LCOR: variants seen among roughly 807,000 people sequenced by gnomAD.
The protein encoded by LCOR is ligand-dependent corepressor.
LCOR carries 14 observed loss-of-function variants against 64.4 expected under a neutral mutation model. The ratio of observed to expected loss-of-function variants is 0.22; its 90% CI spans 0.14 to 0.34. The LOEUF (loss-of-function observed/expected upper bound fraction) is 0.34, where lower values mean the gene tolerates loss of function less well. Ranked by LOEUF, LCOR falls within the 10% of genes least tolerant of loss-of-function variation. The pLI, the probability that LCOR is intolerant of heterozygous loss-of-function variation, is 1.00. For missense variants in LCOR, 1,686 were observed against 1,765.3 expected (o/e 0.96, Z 0.80); for synonymous variants, 643 against 642.5 (o/e 1.00, Z -0.01).
At chr10:96,833,333 G>A (rs1430222435) in intron 1 of LCOR, 73 bp from the exon 2 acceptor site, 18 of 961,324 alleles carry the variant, frequency 1.9e-5, no homozygotes, top group Non-Finnish European at 1.9e-5. Flanking sequence ...GCGGACGGGG[G>A]CGCCCCGGGA....
intron 4 of LCOR, among the ~76,000 whole-genome samples, chr10:96,930,233 A>G (rs188386004): frequency 2.4e-3 from 362 of 152,334 alleles, no homozygotes; most frequent in Non-Finnish European, 3.9e-3. Context: ...GTTGTATGCC[A>G]TTGATCTATA....
chr10:96,931,377 G>A (rs1277659990), intron 4 of LCOR, among the ~76,000 whole-genome samples: 1 of 151,984 alleles, frequency 6.6e-6, no homozygotes, highest in Non-Finnish European at 1.5e-5. Flanking sequence ...GGGACTACAG[G>A]TGCACACTAC....
intron 2 of LCOR, among the ~76,000 whole-genome samples, chr10:96,893,703 C>T (rs932743194): frequency 6.7e-6 from 1 of 148,660 alleles, no homozygotes; most frequent in Admixed American, 6.8e-5. Context: ...GTGGAGGTTG[C>T]AGTAAGCCAA....
At chr10:96,920,769 C>A (rs1360637037) in intron 4 of LCOR, among the ~76,000 whole-genome samples, 1 of 121,788 alleles carries the variant, frequency 8.2e-6, no homozygotes, top group Non-Finnish European at 1.6e-5. Flanking sequence ...CACACACACA[C>A]ACACACACAC....
chr10:96,980,576 G>A (rs1433670080), intron 7 of LCOR, among the ~76,000 whole-genome samples: 2 of 152,124 alleles, frequency 1.3e-5, no homozygotes, highest in African/African-American at 4.8e-5. Flanking sequence ...GCCAGGCAAG[G>A]TGGCTTACAC....
intron 2 of LCOR, among the ~76,000 whole-genome samples, chr10:96,847,477 A>G (rs931701291): frequency 6.6e-6 from 1 of 151,760 alleles, no homozygotes; most frequent in Non-Finnish European, 1.5e-5. Context: ...TTTGCTCTTA[A>G]TGTTGCCCAG....
intron 4 of LCOR, among the ~76,000 whole-genome samples, chr10:96,927,034 C>T (rs76871841): frequency 6.6e-6 from 1 of 151,896 alleles, no homozygotes; most frequent in Non-Finnish European, 1.5e-5. Context: ...GGATCAATAC[C>T]TAGAGTTGGA....
chr10:96,886,993 G>C (rs1156788775), intron 2 of LCOR, among the ~76,000 whole-genome samples: 17 of 152,174 alleles, frequency 1.1e-4, no homozygotes, highest in Non-Finnish European at 8.8e-5. Context: ...TGATCCTTCA[G>C]AGTCTCTGAG....
intron 7 of LCOR, among the ~76,000 whole-genome samples, chr10:96,966,520 G>A (rs1300297006): frequency 6.6e-6 from 1 of 152,110 alleles, no homozygotes; most frequent in African/African-American, 2.4e-5. Context: ...GAGCCACCGC[G>A]CCCGGCCAGG....
intron 2 of LCOR, among the ~76,000 whole-genome samples, chr10:96,847,384 ATGAGT>A (rs1845647808): frequency 6.6e-6 from 1 of 150,966 alleles, no homozygotes; most frequent in Non-Finnish European, 1.5e-5. Context: ...ACAGTCCTGA[ATGAGT>A]TATTTGGTCA....
chr10:96,866,755 T>C (rs2134399491), intron 2 of LCOR, among the ~76,000 whole-genome samples: 1 of 152,144 alleles, frequency 6.6e-6, no homozygotes, highest in South Asian at 2.1e-4. Context: ...TTTGTATTTT[T>C]AGTAGAGACG....
At chr10:96,931,230 A>ATT (rs796643815) in intron 4 of LCOR, among the ~76,000 whole-genome samples, 3 of 132,738 alleles carry the variant, frequency 2.3e-5, no homozygotes, top group Admixed American at 7.5e-5. Context: ...AAGCACTGGT[A>ATT]TTTTTTTTTT....
intron 7 of LCOR, among the ~76,000 whole-genome samples, chr10:96,969,904 C>T (rs1288245826): frequency 5.4e-5 from 8 of 148,048 alleles, no homozygotes; most frequent in African/African-American, 1.5e-4. Context: ...CTTAGCCTCC[C>T]GAGAAGCTGG....
chr10:96,834,693 A>C (rs1845410998), intron 2 of LCOR, among the ~76,000 whole-genome samples: 1 of 152,110 alleles, frequency 6.6e-6, no homozygotes, highest in South Asian at 2.1e-4. Context: ...TCTTTGAAAG[A>C]TTTTTAAATT....
intron 7 of LCOR, among the ~76,000 whole-genome samples, chr10:96,965,834 T>C (rs1252808394): frequency 6.6e-6 from 1 of 152,122 alleles, no homozygotes; most frequent in Non-Finnish European, 1.5e-5. Context: ...CTAATTATTA[T>C]TTTGCTGTAA....
chr10:96,972,440 A>G (rs1720029377), intron 7 of LCOR, among the ~76,000 whole-genome samples: 1 of 152,182 alleles, frequency 6.6e-6, no homozygotes, highest in Non-Finnish European at 1.5e-5. Flanking sequence ...TCACATTTCC[A>G]GAGAGCAAAT....
In LCOR at chr10:96,949,019, G is replaced by A. The variant is rs1255158885; in HGVS notation, c.-39G>A. On this transcript the variant is annotated 5_prime_UTR_variant, in exon 6 of 8. Coordinates refer to ENST00000421806, the MANE Select transcript of LCOR (RefSeq NM_001346516.2). ...ATCTTTATTTACAGACAGTCCCTGG[G>A]TCTCCGACCCCAATATTCCCCTAGT... 4 of 1,610,862 alleles carry A rather than the reference G, an allele frequency of 2.5e-6. No homozygotes were observed. The South Asian group carries it at 3.3e-5, about 13-fold the overall frequency.
intron 1 of LCOR, chr10:96,832,909 C>A (rs1433098855): frequency 1.2e-5 from 10 of 851,988 alleles, no homozygotes; most frequent in African/African-American, 1.8e-5. Flanking sequence ...CCCGGGTCTG[C>A]GTGCACGCGC....
At position 96,877,846 on chromosome 10, in the gene LCOR, C is replaced by T. The variant is rs573168983; in HGVS notation, c.-329-29419C>T. Among the ~76,000 whole-genome samples the T allele has an allele frequency of 1.1e-4, 16 of 152,090 alleles. No homozygotes were observed. In the South Asian group the frequency reaches 1.9e-3, roughly 18 times the overall value. ...CAGGATGGTCTCGATCTCCTGACCTCGTGATCCGCCTGCCTCGGCCTCCCA... is the reference window on the plus strand; with the variant it reads ...CAGGATGGTCTCGATCTCCTGACCTTGTGATCCGCCTGCCTCGGCCTCCCA... On this transcript the variant is annotated intron_variant, in intron 2 of 7. Transcript: ENST00000421806.
Sources: allele counts gnomAD v4.1 joint callset (sites outside exome capture counted in the v4.1 genomes callset), GRCh38; gene constraint gnomAD v4.1.1; transcripts MANE v1.5; gene names NCBI Gene and HGNC (gene_info 2026-07-23, HGNC 2026-07-21).